ST6GAL2: variants seen among roughly 807,000 people sequenced by gnomAD.
The protein encoded by ST6GAL2 is beta-galactoside alpha-2,6-sialyltransferase 2.
A neutral mutation model predicts 37.5 loss-of-function variants in ST6GAL2; 24 were observed. The observed-to-expected ratio is 0.64, with a 90% CI of 0.46 to 0.90. The LOEUF is 0.90. Ranked by LOEUF, ST6GAL2 falls within the 40% of genes least tolerant of loss-of-function variation. The probability of loss-of-function intolerance (pLI) is 0.00; values close to 1 mark genes in which losing one functional copy is unlikely to be tolerated. For synonymous variants in ST6GAL2, 306 were observed against 295.1 expected, an observed-to-expected ratio of 1.04 and a Z score of -0.38; for missense variants, 715 against 712.7, an observed-to-expected ratio of 1.00 and a Z score of -0.04.
intron 1 of ST6GAL2, among the ~76,000 whole-genome samples, chr2:106,862,501 C>T (rs919822274): frequency 3.9e-5 from 6 of 151,968 alleles, no homozygotes; most frequent in Non-Finnish European, 7.4e-5. Flanking sequence ...TTCTGAACAG[C>T]GTAGGCTTAT....
At chr2:106,834,392 T>C (rs764224993) in intron 2 of ST6GAL2, 17 of 394,142 alleles carry the variant, frequency 4.3e-5, no homozygotes, top group Non-Finnish European at 7.3e-5. Context: ...CTGTATGATC[T>C]AAGTGATATT....
intron 1 of ST6GAL2, among the ~76,000 whole-genome samples, chr2:106,874,266 A>G (rs1386720582): frequency 1.3e-5 from 2 of 152,120 alleles, no homozygotes; most frequent in African/African-American, 4.8e-5. Context: ...TGTGTCAGAA[A>G]AGGCTTGCTG....
At chr2:106,871,559 C>G (rs1286495192) in intron 1 of ST6GAL2, among the ~76,000 whole-genome samples, 2 of 152,110 alleles carry the variant, frequency 1.3e-5, no homozygotes, top group South Asian at 2.1e-4. Flanking sequence ...TACAGCTGTA[C>G]AAAATATCTT....
At chr2:106,846,060 TCCCAGC>T (rs1677132526) in intron 1 of ST6GAL2, among the ~76,000 whole-genome samples, 1 of 100,246 alleles carries the variant, frequency 1.0e-5, no homozygotes, top group Admixed American at 1.0e-4. Context: ...ATCCCAGCCA[TCCCAGC>T]CCAGGCACCA....
rs1676467006 is a variant in ST6GAL2 at position 106,832,601 on chromosome 2, G to A, written c.1107C>T (p.Ala369=). ...SSLYKDVILV[A]WDPAPYSANL... ...TTGCGGAATATGGGGCAGGGTCCCA[G>A]GCCACCAAAATGACGTCTTTATACA... Residue 369 remains alanine, a synonymous_variant, in exon 4 of 6, where the codon GCC becomes GCT. Transcript: ENST00000409382. 12 of 1,606,680 alleles carry A rather than the reference G, an allele frequency of 7.5e-6. No homozygotes were observed. Among genetic ancestry groups the A allele is most frequent in the Non-Finnish European group, 1.0e-5 (12 of 1,177,532 alleles).
intron 1 of ST6GAL2, among the ~76,000 whole-genome samples, chr2:106,846,531 G>C (rs1405457268): frequency 1.3e-5 from 2 of 152,054 alleles, no homozygotes; most frequent in Non-Finnish European, 2.9e-5. Flanking sequence ...GAAAAATTAA[G>C]CCAAAAAGAA....
chr2:106,823,623 G>A (rs574629083), intron 5 of ST6GAL2, among the ~76,000 whole-genome samples: 1 of 152,232 alleles, frequency 6.6e-6, no homozygotes, highest in South Asian at 2.1e-4. Context: ...AGTGCAAAAA[G>A]TATGTTATGC....
intron 5 of ST6GAL2, among the ~76,000 whole-genome samples, chr2:106,809,431 GCGTC>G (rs1158052181): frequency 6.6e-6 from 1 of 152,180 alleles, no homozygotes; most frequent in Non-Finnish European, 1.5e-5. Flanking sequence ...TAACACAATG[GCGTC>G]CGTAAGGACT....
Position 106,806,389 on chromosome 2 carries a change from G to A in ST6GAL2, c.*289C>T, listed in dbSNP as rs1456672209. On this transcript the variant is annotated 3_prime_UTR_variant, in exon 6 of 6. Transcript: ENST00000409382. ...GGTACTCATGGCAGAAGAATAAGTT[G>A]TTAACATTTCTGGAGGTATCATACC... 8.9e-6 allele frequency: 3 copies of A among 336,320 alleles called. No individual in the cohort carries two copies. The highest frequency in any genetic ancestry group is 4.5e-5 in the Admixed American group (1 of 22,344). The allele number at this position is 336,320 out of a possible 1,614,324, so 20.8% of individuals were successfully genotyped here.
At chr2:106,854,929 CAA>C (rs34470697) in intron 1 of ST6GAL2, among the ~76,000 whole-genome samples, 18 of 131,064 alleles carry the variant, frequency 1.4e-4, no homozygotes, top group East Asian at 4.1e-4. Context: ...TTATTTTTTC[CAA>C]AAAAAAAAAA....
intron 2 of ST6GAL2, among the ~76,000 whole-genome samples, chr2:106,839,975 C>G (rs1676808071): frequency 6.6e-6 from 1 of 152,162 alleles, no homozygotes; most frequent in Non-Finnish European, 1.5e-5. Flanking sequence ...CATTGTGTGA[C>G]CCAGTTCCAA....
chr2:106,834,108 T>A lies in ST6GAL2; in HGVS notation c.982A>T (p.Thr328Ser). The stretch of plus-strand genomic sequence containing the variant: ...CCAACATCTTTCTCATAACCACGTG[T>A]AGGAGCAGAGTTAAATCTCAAAACC... ...DAVLRFNSAP[T>S]RGYEKDVGNK... Residue 328 changes from threonine (T) to serine (S), a missense_variant, in exon 3 of 6, where the codon ACA (threonine) becomes TCA (serine). Thr to Ser is a moderately conservative substitution (Grantham distance 58). This residue lies in a region of ST6GAL2 where 512 missense variants were observed against 488.8 expected (regional missense o/e 1.05). Coordinates refer to ENST00000409382, the MANE Select transcript of ST6GAL2 (RefSeq NM_001142351.2). 1 of 1,613,842 alleles carries A rather than the reference T, an allele frequency of 6.2e-7. No homozygotes were observed. The highest frequency in any genetic ancestry group is 1.3e-5 in the African/African-American group (1 of 75,042).
At chr2:106,821,127 G>C (rs1675986805) in intron 5 of ST6GAL2, among the ~76,000 whole-genome samples, 1 of 151,576 alleles carries the variant, frequency 6.6e-6, no homozygotes, top group African/African-American at 2.4e-5. Context: ...AAAATTAGTA[G>C]AAACAATAGA....
chr2:106,831,757 G>T (rs1326565156), intron 4 of ST6GAL2, among the ~76,000 whole-genome samples: 3 of 152,090 alleles, frequency 2.0e-5, no homozygotes, highest in Non-Finnish European at 4.4e-5. Context: ...CTTTTATCTT[G>T]GGAGGTTACC....
intron 1 of ST6GAL2, among the ~76,000 whole-genome samples, chr2:106,867,612 TC>T (rs1254880829): frequency 6.6e-6 from 1 of 152,142 alleles, no homozygotes; most frequent in Non-Finnish European, 1.5e-5. Flanking sequence ...GCTTTTTTTT[TC>T]CTCCTAATAC....
Position 106,806,798 on chromosome 2 carries a change from G to A in ST6GAL2, c.1470C>T (p.Leu490=), listed in dbSNP as rs750972050. 3 of 1,614,198 alleles carry A rather than the reference G, an allele frequency of 1.9e-6. No individual in the cohort carries two copies. The Admixed American group carries it at 5.0e-5, about 27-fold the overall frequency. ...GAYHPLLYEK[L]LVQRLNMGTQ... is the part of the protein sequence containing the mutation. Reference sequence around the variant, plus strand: ...TGCCCATGTTCAGGCGCTGCACCAGGAGCTTCTCATAGAGTAGTGGGTGGT... The same window carrying A: ...TGCCCATGTTCAGGCGCTGCACCAGAAGCTTCTCATAGAGTAGTGGGTGGT... Residue 490 remains leucine, a synonymous_variant, in exon 6 of 6, where the codon CTC becomes CTT. Coordinates refer to ENST00000409382, the MANE Select transcript of ST6GAL2 (RefSeq NM_001142351.2).
intron 5 of ST6GAL2, among the ~76,000 whole-genome samples, chr2:106,829,702 T>C (rs773601033): frequency 8.5e-5 from 13 of 152,088 alleles, no homozygotes; most frequent in Non-Finnish European, 1.6e-4. Context: ...TTTTCCTTAG[T>C]TAACCTACCT....
At chr2:106,832,886 C>T (rs1308498348) in intron 3 of ST6GAL2, among the ~76,000 whole-genome samples, 2 of 152,112 alleles carry the variant, frequency 1.3e-5, no homozygotes, top group East Asian at 3.8e-4. Flanking sequence ...CAAGTTCTGA[C>T]ATTTTCACCA....
At chr2:106,829,445 G>A (rs1676327324) in intron 5 of ST6GAL2, among the ~76,000 whole-genome samples, 1 of 152,136 alleles carries the variant, frequency 6.6e-6, no homozygotes, top group Non-Finnish European at 1.5e-5. Context: ...CTATGTGCAG[G>A]CACATGGTCA....
Sources: allele counts gnomAD v4.1 joint callset (sites outside exome capture counted in the v4.1 genomes callset), GRCh38; gene constraint gnomAD v4.1.1; regional missense constraint gnomAD v4.1.1; transcripts MANE v1.5; gene names NCBI Gene and HGNC (gene_info 2026-07-23, HGNC 2026-07-21).